The following NECTIN1 variants were observed in gnomAD, a reference collection of about 807,000 sequenced individuals.
NECTIN1 encodes the protein nectin cell adhesion molecule 1.
Under a neutral mutation model 48.0 loss-of-function variants are expected in NECTIN1, and 23 were observed. The observed-to-expected ratio is 0.48, with a 90% CI of 0.34 to 0.68. The LOEUF is 0.68. Among genes scored for constraint, NECTIN1 ranks in the 30% least tolerant of loss-of-function variants. The pLI is 0.01. For missense variants in NECTIN1, 591 were observed against 709.9 expected (o/e 0.83, Z 1.90); for synonymous variants, 270 against 288.9 (o/e 0.93, Z 0.66).
At chr11:119,639,601 T>C (rs1033822025) in intron 6 of NECTIN1, 4 of 543,884 alleles carry the variant, frequency 7.4e-6, no homozygotes, top group Non-Finnish European at 1.0e-5. Context: ...ATGGTAATCA[T>C]GCACCTGCTC....
At chr11:119,716,673 T>TG (rs1834003566) in intron 1 of NECTIN1, among the ~76,000 whole-genome samples, 1 of 152,188 alleles carries the variant, frequency 6.6e-6, no homozygotes, top group Admixed American at 6.5e-5. Flanking sequence ...AACTGGCGGC[T>TG]GGGGGGCAGT....
At chr11:119,694,914 C>T (rs1485124441) in intron 1 of NECTIN1, among the ~76,000 whole-genome samples, 1 of 151,890 alleles carries the variant, frequency 6.6e-6, no homozygotes, top group African/African-American at 2.4e-5. Flanking sequence ...ACAGTTGCAT[C>T]AATATAGCCC....
In NECTIN1 at chr11:119,709,804, T is replaced by C. The variant is rs1320534659; in HGVS notation, c.79+18671A>G. The C allele has an allele frequency of 2.6e-5, 4 of 152,268 alleles. No homozygotes were observed. The East Asian group carries it at 7.7e-4, about 29-fold the overall frequency. 9.4% of individuals were successfully genotyped at this position (152,268 alleles called of 1,614,324 possible). A position where few individuals can be genotyped will look rare whatever the true frequency, so the allele number is the denominator to read the frequency against. The stretch of plus-strand genomic sequence containing the variant: ...TGAGGGGGAGGACCTAGCTGGTTTT[T>C]CCCAGCATCCCCCAGGCCACTTCTC... On this transcript the variant is annotated intron_variant, in intron 1 of 5. Coordinates refer to ENST00000264025, the MANE Select transcript of NECTIN1 (RefSeq NM_002855.5). This position sits in a 1 kb window ranked among gnomAD's most constrained non-coding sequence, Gnocchi z 4.1.
rs146282163 is a variant in NECTIN1, at chr11:119,679,551, G to C, written c.80-786C>G. On this transcript the variant is annotated intron_variant, in intron 1 of 5. Coordinates refer to ENST00000264025, the MANE Select transcript of NECTIN1 (RefSeq NM_002855.5). ...TGCCTTCTCTTGGCAAGACCTCCTTGCACCTGCCTCTTGTCCACATCTCTC... is the reference window on the plus strand; with the variant it reads ...TGCCTTCTCTTGGCAAGACCTCCTTCCACCTGCCTCTTGTCCACATCTCTC... Among the ~76,000 whole-genome samples, 609 of 152,286 alleles carry C rather than the reference G, an allele frequency of 4.0e-3. 6 individuals carry two copies. Among genetic ancestry groups the C allele is most frequent in the African/African-American group, 0.013 (532 of 41,560 alleles).
chr11:119,676,478 C>A (rs145776018), intron 4 of NECTIN1, among the ~76,000 whole-genome samples: 1 of 152,246 alleles, frequency 6.6e-6, no homozygotes, highest in East Asian at 1.9e-4. Flanking sequence ...TGGTTCCCCA[C>A]GTCCCTGTCT....
chr11:119,702,795 G>A (rs1865480153), intron 1 of NECTIN1, among the ~76,000 whole-genome samples: 2 of 152,240 alleles, frequency 1.3e-5, no homozygotes, highest in South Asian at 2.1e-4. Context: ...TGATGGCTCA[G>A]TAGATGGTAG....
chr11:119,660,542 T>C (rs1324908453), downstream of NECTIN1, among the ~76,000 whole-genome samples: 5 of 152,102 alleles, frequency 3.3e-5, no homozygotes, highest in Non-Finnish European at 5.9e-5. Context: ...GTGACACTGC[T>C]GGTTTTCTTC....
At chr11:119,716,967 T>A (rs1038991277) in intron 1 of NECTIN1, among the ~76,000 whole-genome samples, 4 of 152,098 alleles carry the variant, frequency 2.6e-5, no homozygotes, top group Non-Finnish European at 5.9e-5. Flanking sequence ...AAGAAACACA[T>A]AAACCAGCAC....
chr11:119,675,135 G>A (rs1565386564), intron 5 of NECTIN1, 24 bp downstream of exon 5: 1 of 1,613,954 alleles, frequency 6.2e-7, no homozygotes, highest in Non-Finnish European at 8.5e-7. Flanking sequence ...GTGCGGAGAG[G>A]CTGGGGAGGA....
At chr11:119,666,128 C>T (rs553205836) in intron 5 of NECTIN1, among the ~76,000 whole-genome samples, 7 of 152,278 alleles carry the variant, frequency 4.6e-5, no homozygotes, top group East Asian at 1.9e-4. Context: ...AGGGCAAGGA[C>T]GGCAGAAATG....
Position 119,665,686 on chromosome 11 carries a change from C to G in NECTIN1, c.1004-389G>C, listed in dbSNP as rs1235000448. Among the ~76,000 whole-genome samples, 1 of 152,100 alleles carries G rather than the reference C, an allele frequency of 6.6e-6. No individual in the cohort carries two copies. The highest frequency in any genetic ancestry group is 2.4e-5 in the African/African-American group (1 of 41,416). On this transcript the variant is annotated intron_variant, in intron 5 of 5. Coordinates refer to ENST00000264025, the MANE Select transcript of NECTIN1 (RefSeq NM_002855.5). The surrounding 1 kb of genome is among the most constrained non-coding windows in gnomAD (Gnocchi z 5.1). ...ACAGCCACAACCCTGAGGAGGTATG[C>G]CATTCATTCTCATTGGATATCTGAG...
chr11:119,702,411 C>T (rs372649366), intron 1 of NECTIN1, among the ~76,000 whole-genome samples: 6 of 152,380 alleles, frequency 3.9e-5, no homozygotes, highest in Admixed American at 2.0e-4. Flanking sequence ...GGTCAGCCAC[C>T]GCCAGATGCC....
intron 1 of NECTIN1, among the ~76,000 whole-genome samples, chr11:119,720,259 G>A (rs140956510): frequency 5.4e-4 from 83 of 152,384 alleles, no homozygotes; most frequent in African/African-American, 1.9e-3. Context: ...TCCACAAGAC[G>A]CGGGGACTGA....
At chr11:119,692,283 G>A (rs948962534) in intron 1 of NECTIN1, among the ~76,000 whole-genome samples, 4 of 152,212 alleles carry the variant, frequency 2.6e-5, no homozygotes, top group African/African-American at 7.2e-5. Flanking sequence ...CGGGGCTCGC[G>A]CCCAGCTGCG....
In NECTIN1 at chr11:119,727,887, C is replaced by T. The variant is rs1205044790; in HGVS notation, c.79+588G>A. Among the ~76,000 whole-genome samples, 6 of 152,234 alleles carry T rather than the reference C, an allele frequency of 3.9e-5. No homozygotes were observed. The highest frequency in any genetic ancestry group is 7.2e-5 in the African/African-American group (3 of 41,464). On this transcript the variant is annotated intron_variant, in intron 1 of 5. Coordinates refer to ENST00000264025, the MANE Select transcript of NECTIN1 (RefSeq NM_002855.5). The surrounding 1 kb of genome is among the most constrained non-coding windows in gnomAD (Gnocchi z 4.1). ...CGGGAGGAGGCTGCCCCGGCCTCAC[C>T]CTCCAGGAAAGGAACCGCAGGTGAG...
chr11:119,728,216 A>AT (rs1270405246), intron 1 of NECTIN1, among the ~76,000 whole-genome samples: 2 of 152,224 alleles, frequency 1.3e-5, no homozygotes, highest in Non-Finnish European at 2.9e-5. Context: ...ACATATTATT[A>AT]TTTTTTGTAA....
At chr11:119,667,767 A>G (rs1240187882) in intron 5 of NECTIN1, among the ~76,000 whole-genome samples, 1 of 151,916 alleles carries the variant, frequency 6.6e-6, no homozygotes, top group Admixed American at 6.6e-5. Context: ...TTTCTTTCCT[A>G]GTGACAGACT....
intron 5 of NECTIN1, among the ~76,000 whole-genome samples, chr11:119,670,644 CTT>C (rs56350355): frequency 2.6e-5 from 3 of 113,892 alleles, no homozygotes; most frequent in Non-Finnish European, 3.4e-5. Context: ...TTCCTAAGTC[CTT>C]TTTTTTTTTT....
intron 1 of NECTIN1, chr11:119,713,788 G>A: frequency 2.2e-6 from 1 of 453,742 alleles, no homozygotes; most frequent in South Asian, 1.6e-5. Flanking sequence ...CCTCTGGAGG[G>A]CAGCTCCTAT....
Sources: allele counts gnomAD v4.1 joint callset (sites outside exome capture counted in the v4.1 genomes callset), GRCh38; gene constraint gnomAD v4.1.1; non-coding constraint Gnocchi (gnomAD v3.1); transcripts MANE v1.5; gene names NCBI Gene and HGNC (gene_info 2026-07-23, HGNC 2026-07-21).